RRAGB: variants seen among roughly 807,000 people sequenced by gnomAD.
RRAGB encodes Ras related GTP binding B, also known as ras-related GTP-binding protein B.
Under a neutral mutation model 29.3 loss-of-function variants are expected in RRAGB, and 6 were observed. That is an observed-to-expected ratio of 0.21 (90% CI 0.11 to 0.40). RRAGB has a LOEUF of 0.40. RRAGB is among the 10% of genes least tolerant of loss of function. The pLI is 1.00. For synonymous variants in RRAGB, 101 were observed against 92.5 expected, an observed-to-expected ratio of 1.09 and a Z score of -0.53; for missense variants, 184 against 272.9, an observed-to-expected ratio of 0.67 and a Z score of 2.29.
chrX:55,736,466 T>C (rs939546685), intron 5 of RRAGB, among the ~76,000 whole-genome samples: 8 of 112,086 alleles, frequency 7.1e-5, no homozygotes, highest in African/African-American at 2.3e-4. Context: ...GAATTCTTTA[T>C]CTGATATTTC....
At chrX:55,757,174 TA>T in intron 8 of RRAGB, 41 bp from the exon 9 acceptor site, 1 of 741,302 alleles carries the variant, frequency 1.3e-6, no homozygotes, top group Non-Finnish European at 2.1e-6. Flanking sequence ...GTTGTAGTGT[TA>T]TTATTTCATT....
At chrX:55,737,205 A>C (rs1322525054) in intron 5 of RRAGB, among the ~76,000 whole-genome samples, 1 of 112,275 alleles carries the variant, frequency 8.9e-6, no homozygotes, top group Non-Finnish European at 1.9e-5. Flanking sequence ...CAGGAAAGCC[A>C]TCTGCTTCCC....
chrX:55,745,277 C>T (rs1019590919), intron 5 of RRAGB, among the ~76,000 whole-genome samples: 2 of 112,485 alleles, frequency 1.8e-5, no homozygotes, highest in African/African-American at 6.5e-5. Context: ...CAAATTATGA[C>T]ATAGGACTAG....
chrX:55,722,279 G>A lies in RRAGB; in HGVS notation c.220G>A (p.Ala74Thr), dbSNP rs779426633. ...YIARDTRRLG[A>T]TIDVEHSHVR... ...TGCCAGAGACACACGTCGCCTTGGCGCAACAAGTAAGATGTTTTATCTTAT... is the reference window on the plus strand; with the variant it reads ...TGCCAGAGACACACGTCGCCTTGGCACAACAAGTAAGATGTTTTATCTTAT... Residue 74 changes from alanine (A) to threonine (T), a missense_variant, in exon 3 of 10, where the codon GCA (alanine) becomes ACA (threonine). Ala to Thr is a moderately conservative substitution (Grantham distance 58). Transcript: ENST00000374941. 1.4e-5 allele frequency: 16 copies of A among 1,149,331 alleles called. No individual in the cohort carries two copies. The highest frequency in any genetic ancestry group is 6.6e-5 in the Admixed American group (3 of 45,499). The allele number at this position is 1,149,331 out of a possible 1,213,427, so 94.7% of individuals were successfully genotyped here. A position where few individuals can be genotyped will look rare whatever the true frequency, so the allele number is the denominator to read the frequency against.
rs2033132757 is a variant in RRAGB at position 55,718,379 on chromosome X, A to C, written c.52A>C (p.Arg18=). ...KTTEKENLGP[R]MDPPLGEPEG... ...GACGGAGAAAGAAAATCTGGGGCCG[A>C]GAATGGATCCACCACTAGGGGAACC... Residue 18 remains arginine (R), a synonymous_variant, in exon 1 of 10, where the codon AGA becomes CGA. Transcript: ENST00000374941. 3.3e-6 allele frequency: 4 copies of C among 1,205,848 alleles called. No homozygotes were observed. The highest frequency in any genetic ancestry group is 4.5e-6 in the Non-Finnish European group (4 of 892,160).
intron 5 of RRAGB, among the ~76,000 whole-genome samples, chrX:55,739,210 G>A (rs959905928): frequency 8.9e-6 from 1 of 112,904 alleles, no homozygotes; most frequent in South Asian, 3.6e-4. Context: ...ATGCCTTTCA[G>A]GCCTCACCTC....
intron 5 of RRAGB, among the ~76,000 whole-genome samples, chrX:55,747,308 A>G (rs1200986664): frequency 8.9e-6 from 1 of 112,657 alleles, no homozygotes; most frequent in African/African-American, 3.2e-5. Context: ...TTCTTGGCCA[A>G]TGCCCTCACT....
At chrX:55,749,191 G>A (rs1241231491) in intron 5 of RRAGB, among the ~76,000 whole-genome samples, 3 of 92,550 alleles carry the variant, frequency 3.2e-5, no homozygotes, top group African/African-American at 1.2e-4. Flanking sequence ...GAAGTGGGGG[G>A]GGTCAGCCCC....
At chrX:55,724,704 G>T (rs908292925) in intron 3 of RRAGB, among the ~76,000 whole-genome samples, 1 of 111,581 alleles carries the variant, frequency 9.0e-6, no homozygotes, top group Non-Finnish European at 1.9e-5. Context: ...ATTAGAGGAA[G>T]CTAATGGTTA....
chrX:55,752,204 T>C, intron 6 of RRAGB: 1 of 751,023 alleles, frequency 1.3e-6, no homozygotes, highest in South Asian at 6.8e-5. Context: ...TCTAGATTAA[T>C]ATGGGCCGAA....
intron 4 of RRAGB, among the ~76,000 whole-genome samples, chrX:55,729,957 A>T (rs1330642194): frequency 8.9e-6 from 1 of 112,240 alleles, no homozygotes; most frequent in African/African-American, 3.2e-5. Context: ...TTTTGGAGTC[A>T]GATTGGGGTT....
At chrX:55,719,721 C>T (rs1242404003) in intron 2 of RRAGB, among the ~76,000 whole-genome samples, 2 of 112,148 alleles carry the variant, frequency 1.8e-5, no homozygotes, top group Non-Finnish European at 3.8e-5. Flanking sequence ...AAGCCATATA[C>T]ACACACCATA....
intron 5 of RRAGB, among the ~76,000 whole-genome samples, chrX:55,731,859 C>T (rs2033692125): frequency 8.9e-6 from 1 of 111,818 alleles, no homozygotes; most frequent in African/African-American, 3.2e-5. Flanking sequence ...AATATATTTG[C>T]TGCCCCAGTT....
At chrX:55,740,861 GT>G (rs1225850797) in intron 5 of RRAGB, among the ~76,000 whole-genome samples, 1 of 110,932 alleles carries the variant, frequency 9.0e-6, no homozygotes, top group Non-Finnish European at 1.9e-5. Context: ...GACTTTTTTT[GT>G]GCAAGTTTGG....
rs199783961 is a variant in RRAGB, at chrX:55,728,921, C to CT, written c.227-363dup. Among the ~76,000 whole-genome samples, 1,055 of 105,823 alleles carry CT rather than the reference C, an allele frequency of 1.0e-2. 7 individuals are homozygous for CT. The highest frequency in any genetic ancestry group is 0.034 in the African/African-American group (989 of 29,161). 91.9% of individuals were successfully genotyped at this position (105,823 alleles called of 115,157 possible). On this transcript the variant is annotated intron_variant, in intron 3 of 9. Transcript: ENST00000374941. ...ATTGTTTTATGTTTGTTTTTTGTTA[C>CT]TTTTTTTTTTAATTTTTGTGTGTAT...
chrX:55,723,222 A>G (rs1327953033), intron 3 of RRAGB, among the ~76,000 whole-genome samples: 1 of 110,247 alleles, frequency 9.1e-6, no homozygotes, highest in African/African-American at 3.3e-5. Context: ...GCAGTGGTGC[A>G]GTCTTATCTC....
chrX:55,726,168 G>A (rs1435260348), intron 3 of RRAGB, among the ~76,000 whole-genome samples: 1 of 109,096 alleles, frequency 9.2e-6, no homozygotes, highest in Non-Finnish European at 1.9e-5. Flanking sequence ...AAAAAGAAAA[G>A]CAACATGAGC....
chrX:55,750,187 T>C, intron 5 of RRAGB, among the ~76,000 whole-genome samples: 1 of 7,687 alleles, frequency 1.3e-4, no homozygotes, highest in Non-Finnish European at 1.5e-3. Context: ...CATACGTATG[T>C]GTGTGTGTGT....
chrX:55,739,734 T>G (rs1324494466), intron 5 of RRAGB, among the ~76,000 whole-genome samples: 1 of 111,233 alleles, frequency 9.0e-6, no homozygotes, highest in Admixed American at 9.5e-5. Context: ...GGATAAAAAT[T>G]TACACTGTGA....
Sources: allele counts gnomAD v4.1 joint callset (sites outside exome capture counted in the v4.1 genomes callset), GRCh38; gene constraint gnomAD v4.1.1; transcripts MANE v1.5; gene names NCBI Gene and HGNC (gene_info 2026-07-23, HGNC 2026-07-21).